PTPRD: variants seen among roughly 807,000 people sequenced by gnomAD.
PTPRD encodes receptor-type tyrosine-protein phosphatase delta.
PTPRD carries 34 observed loss-of-function variants against 214.5 expected under a neutral mutation model. The ratio of observed to expected loss-of-function variants is 0.16; its 90% CI spans 0.12 to 0.21. PTPRD has a LOEUF of 0.21. Among genes scored for constraint, PTPRD ranks in the 10% least tolerant of loss-of-function variants. The pLI, the probability that PTPRD is intolerant of heterozygous loss-of-function variation, is 1.00. For synonymous variants in PTPRD, 1,128 were observed against 845.7 expected (o/e 1.33, Z -5.79); for missense variants, 2,545 against 2,398.7 (o/e 1.06, Z -1.27).
chr9:8,558,471 T>C (rs1406107425), intron 14 of PTPRD, among the ~76,000 whole-genome samples: 1 of 152,116 alleles, frequency 6.6e-6, no homozygotes, highest in Non-Finnish European at 1.5e-5. Flanking sequence ...AACCTTGGAT[T>C]CCCCATATAG....
intron 10 of PTPRD, among the ~76,000 whole-genome samples, chr9:9,100,867 A>G (rs2099790262): frequency 6.6e-6 from 1 of 152,136 alleles, no homozygotes; most frequent in South Asian, 2.1e-4. Context: ...ATTGATTTCC[A>G]AATTCTCATT....
At chr9:9,598,079 C>T (rs2093489749) in intron 7 of PTPRD, among the ~76,000 whole-genome samples, 1 of 151,962 alleles carries the variant, frequency 6.6e-6, no homozygotes, top group Non-Finnish European at 1.5e-5. Flanking sequence ...GCAAACTGCA[C>T]ACAGTTAGTA....
intron 8 of PTPRD, among the ~76,000 whole-genome samples, chr9:9,496,474 T>C (rs543649674): frequency 6.6e-6 from 1 of 152,226 alleles, no homozygotes; most frequent in East Asian, 1.9e-4. Context: ...GCAAAGATGT[T>C]TGACATGACT....
intron 8 of PTPRD, among the ~76,000 whole-genome samples, chr9:9,503,398 A>G (rs979208974): frequency 6.6e-6 from 1 of 151,442 alleles, no homozygotes; most frequent in Non-Finnish European, 1.5e-5. Context: ...TAGTGTCTTT[A>G]TGAAATAAGA....
intron 11 of PTPRD, among the ~76,000 whole-genome samples, chr9:8,735,198 C>A (rs1331502320): frequency 7.0e-6 from 1 of 143,616 alleles, no homozygotes; most frequent in African/African-American, 2.6e-5. Flanking sequence ...GGCTGTAGTG[C>A]AGTGGTACAA....
chr9:10,555,633 T>C (rs1233304287), intron 2 of PTPRD, among the ~76,000 whole-genome samples: 1 of 152,214 alleles, frequency 6.6e-6, no homozygotes, highest in Non-Finnish European at 1.5e-5. Flanking sequence ...CTTGAAAATG[T>C]ATTCCTTTTT....
chr9:9,494,538 G>A (rs1437619257), intron 8 of PTPRD, among the ~76,000 whole-genome samples: 2 of 152,156 alleles, frequency 1.3e-5, no homozygotes, highest in Admixed American at 6.5e-5. Flanking sequence ...TGCAAAGTCA[G>A]CACATAAAAT....
chr9:10,230,657 TG>T (rs1231507716), intron 3 of PTPRD, among the ~76,000 whole-genome samples: 1 of 152,010 alleles, frequency 6.6e-6, no homozygotes, highest in East Asian at 1.9e-4. Flanking sequence ...ATTAAAATTT[TG>T]TGGTTGTTCT....
At chr9:9,155,114 G>A (rs920968498) in intron 10 of PTPRD, among the ~76,000 whole-genome samples, 2 of 152,136 alleles carry the variant, frequency 1.3e-5, no homozygotes, top group African/African-American at 4.8e-5. Flanking sequence ...TATGTAGTAC[G>A]AAATGACGAT....
At chr9:8,625,570 A>C (rs963673529) in intron 14 of PTPRD, among the ~76,000 whole-genome samples, 1 of 151,730 alleles carries the variant, frequency 6.6e-6, no homozygotes, top group African/African-American at 2.4e-5. Context: ...GGAAAATACA[A>C]ACTATGATCA....
At chr9:10,504,014 A>G (rs530600195) in intron 2 of PTPRD, among the ~76,000 whole-genome samples, 84 of 148,950 alleles carry the variant, frequency 5.6e-4, no homozygotes, top group African/African-American at 1.9e-3. Flanking sequence ...TACTCCGGAG[A>G]CTGAAGCAGG....
intron 11 of PTPRD, among the ~76,000 whole-genome samples, chr9:8,970,384 A>G (rs2099229770): frequency 6.6e-6 from 1 of 151,936 alleles, no homozygotes; most frequent in African/African-American, 2.4e-5. Flanking sequence ...AACCAGAAAG[A>G]AACTTGGTCT....
chr9:9,158,258 G>C (rs929823364), intron 10 of PTPRD, among the ~76,000 whole-genome samples: 2 of 152,102 alleles, frequency 1.3e-5, no homozygotes, highest in African/African-American at 2.4e-5. Context: ...GGGTCAACTG[G>C]TATTTCTGCT....
At chr9:9,898,948 T>C (rs976778611) in intron 5 of PTPRD, among the ~76,000 whole-genome samples, 4 of 152,128 alleles carry the variant, frequency 2.6e-5, no homozygotes, top group African/African-American at 7.2e-5. Context: ...AAAACAAAGC[T>C]GTCTTTATTC....
intron 14 of PTPRD, among the ~76,000 whole-genome samples, chr9:8,543,080 T>C (rs1199938611): frequency 6.6e-6 from 1 of 152,220 alleles, no homozygotes; most frequent in Non-Finnish European, 1.5e-5. Context: ...TCCTTATAGA[T>C]AACTCACGGC....
At chr9:9,507,308 T>G (rs2096593238) in intron 8 of PTPRD, among the ~76,000 whole-genome samples, 1 of 151,240 alleles carries the variant, frequency 6.6e-6, no homozygotes. Context: ...ATTAAATTTG[T>G]TATATATTAA....
intron 12 of PTPRD, among the ~76,000 whole-genome samples, chr9:8,640,681 T>TA (rs59897269): frequency 0.14 from 17,986 of 133,006 alleles, 1,196 homozygotes; most frequent in Non-Finnish European, 0.16. Context: ...AGAAATTCTG[T>TA]AAAAAAAAAA....
At chr9:10,306,300 G>A (rs2096067147) in intron 3 of PTPRD, among the ~76,000 whole-genome samples, 2 of 151,904 alleles carry the variant, frequency 1.3e-5, no homozygotes, top group Admixed American at 1.3e-4. Flanking sequence ...GGGAGGGATA[G>A]CATTAGGAGA....
chr9:9,085,670 G>T (rs1180429093), intron 10 of PTPRD, among the ~76,000 whole-genome samples: 4 of 149,892 alleles, frequency 2.7e-5, no homozygotes, highest in African/African-American at 9.8e-5. Context: ...TTTGACATTT[G>T]GCCTTCAGAT....
Sources: allele counts gnomAD v4.1 joint callset (sites outside exome capture counted in the v4.1 genomes callset), GRCh38; gene constraint gnomAD v4.1.1; transcripts MANE v1.5; gene names NCBI Gene and HGNC (gene_info 2026-07-23, HGNC 2026-07-21).